RBFOX1: variants seen among roughly 807,000 people sequenced by gnomAD.
RBFOX1 encodes RNA binding fox-1 homolog 1.
Under a neutral mutation model 57.7 loss-of-function variants are expected in RBFOX1, and 8 were observed. The ratio of observed to expected loss-of-function variants is 0.14; its 90% CI spans 0.08 to 0.25. The LOEUF is 0.25. Ranked by LOEUF, RBFOX1 falls within the 10% of genes least tolerant of loss-of-function variation. The pLI is 1.00. For missense variants in RBFOX1, 611 were observed against 548.5 expected (o/e 1.11, Z -1.14); for synonymous variants, 326 against 222.4 (o/e 1.47, Z -4.15).
intron 4 of RBFOX1, among the ~76,000 whole-genome samples, chr16:7,455,294 T>A (rs2058272865): frequency 1.3e-5 from 2 of 152,174 alleles, no homozygotes; most frequent in Admixed American, 1.3e-4. Flanking sequence ...CCTCCCTATA[T>A]TGAGAAGTTT....
intron 4 of RBFOX1, among the ~76,000 whole-genome samples, chr16:7,210,380 CG>C (rs1228679404): frequency 2.6e-5 from 4 of 152,120 alleles, no homozygotes; most frequent in African/African-American, 9.7e-5. Flanking sequence ...ACATGGACCA[CG>C]GTGTGGTCCT....
intron 3 of RBFOX1, among the ~76,000 whole-genome samples, chr16:7,023,694 C>G (rs781450521): frequency 6.7e-6 from 1 of 149,740 alleles, no homozygotes; most frequent in Non-Finnish European, 1.5e-5. Flanking sequence ...TGTCTTAAAT[C>G]AGAGATGGGT....
At chr16:6,201,977 T>G (rs761456383) in intron 1 of RBFOX1, among the ~76,000 whole-genome samples, 11 of 152,190 alleles carry the variant, frequency 7.2e-5, no homozygotes, top group Non-Finnish European at 1.3e-4. Flanking sequence ...GTCCCCATTG[T>G]GAACATGTCA....
At chr16:6,928,445 C>G (rs777428943) in intron 3 of RBFOX1, among the ~76,000 whole-genome samples, 70 of 152,246 alleles carry the variant, frequency 4.6e-4, no homozygotes, top group Non-Finnish European at 9.3e-4. Context: ...CAGCCAAGAG[C>G]TCAGGACATG....
intron 1 of RBFOX1, among the ~76,000 whole-genome samples, chr16:6,247,851 C>T (rs1305260762): frequency 6.6e-6 from 1 of 152,158 alleles, no homozygotes; most frequent in African/African-American, 2.4e-5. Context: ...TTCTCTGGCT[C>T]TGATGATAGG....
chr16:6,415,534 C>G (rs954608991), intron 2 of RBFOX1, among the ~76,000 whole-genome samples: 1 of 151,914 alleles, frequency 6.6e-6, no homozygotes, highest in African/African-American at 2.4e-5. Flanking sequence ...AATGCCATCT[C>G]TACTAAAAAT....
chr16:6,326,061 C>A (rs750353881), intron 2 of RBFOX1, among the ~76,000 whole-genome samples: 1 of 152,140 alleles, frequency 6.6e-6, no homozygotes, highest in African/African-American at 2.4e-5. Flanking sequence ...GGCAGAAAAT[C>A]GGTTAACTCT....
At chr16:5,573,696 T>A (rs1274739587) in intron 2 of RBFOX1, among the ~76,000 whole-genome samples, 1 of 152,144 alleles carries the variant, frequency 6.6e-6, no homozygotes, top group Non-Finnish European at 1.5e-5. Flanking sequence ...ACGCAGTGGC[T>A]CACACCTATA....
intron 1 of RBFOX1, among the ~76,000 whole-genome samples, chr16:6,269,422 C>G (rs899477319): frequency 3.3e-5 from 5 of 152,112 alleles, no homozygotes; most frequent in Non-Finnish European, 7.4e-5. Context: ...TGAAGGAAAT[C>G]CACACCAAGT....
In RBFOX1 at chr16:7,311,620, C is replaced by T. The variant is rs141622478; in HGVS notation, c.28-206527C>T. ...TCCTCTTGCTCTGCCTGAAGCCAGG[C>T]ACGGGGCAAGCCCTGCTCTTATGGA... On this transcript the variant is annotated intron_variant, in intron 4 of 15. Coordinates refer to ENST00000550418, the MANE Select transcript of RBFOX1 (RefSeq NM_018723.4). Among the ~76,000 whole-genome samples the T allele has an allele frequency of 3.0e-4, 46 of 152,074 alleles. 1 individual carries two copies. Among genetic ancestry groups the T allele is most frequent in the Admixed American group, 1.0e-3 (16 of 15,280 alleles).
intron 11 of RBFOX1, among the ~76,000 whole-genome samples, chr16:7,647,125 A>G (rs1171549808): frequency 6.6e-6 from 1 of 152,142 alleles, no homozygotes; most frequent in African/African-American, 2.4e-5. Flanking sequence ...ATCGAGTTCC[A>G]TGGGACAGAA....
At chr16:7,330,508 GTT>G (rs59025287) in intron 4 of RBFOX1, among the ~76,000 whole-genome samples, 7,878 of 79,146 alleles carry the variant, frequency 0.1, 352 homozygotes, top group African/African-American at 0.2. Context: ...GTGTGTGTGT[GTT>G]TGTGTGTGTG....
chr16:5,736,663 C>T (rs2052586404), intron 3 of RBFOX1, among the ~76,000 whole-genome samples: 1 of 152,086 alleles, frequency 6.6e-6, no homozygotes, highest in Admixed American at 6.6e-5. Context: ...CTGGCATTTT[C>T]CTGTGCTGGT....
intron 1 of RBFOX1, chr16:5,467,080 G>T: frequency 1.9e-6 from 2 of 1,047,010 alleles, no homozygotes; most frequent in Non-Finnish European, 2.7e-6. Context: ...GGCATTTAAT[G>T]GACGTTTTGA....
At chr16:7,320,422 G>A (rs1247095024) in intron 4 of RBFOX1, among the ~76,000 whole-genome samples, 1 of 152,068 alleles carries the variant, frequency 6.6e-6, no homozygotes, top group South Asian at 2.1e-4. Context: ...CCTTTTTTAT[G>A]GCTGCATAGT....
intron 3 of RBFOX1, among the ~76,000 whole-genome samples, chr16:6,966,071 A>G (rs893614548): frequency 1.3e-5 from 2 of 152,152 alleles, no homozygotes; most frequent in Admixed American, 6.6e-5. Flanking sequence ...CTTTGAAGGT[A>G]GTGATTTTTA....
At chr16:6,714,169 A>C (rs568089797) in intron 3 of RBFOX1, among the ~76,000 whole-genome samples, 3 of 152,180 alleles carry the variant, frequency 2.0e-5, no homozygotes, top group African/African-American at 7.2e-5. Flanking sequence ...ACCTGCCACC[A>C]TGTAAGCCAT....
intron 4 of RBFOX1, among the ~76,000 whole-genome samples, chr16:5,936,082 T>C (rs1179980626): frequency 6.6e-6 from 1 of 152,024 alleles, no homozygotes; most frequent in Non-Finnish European, 1.5e-5. Flanking sequence ...AATTATATGA[T>C]GGTAGCATCT....
intron 11 of RBFOX1, among the ~76,000 whole-genome samples, chr16:7,646,251 G>A (rs528282004): frequency 6.6e-5 from 10 of 152,272 alleles, no homozygotes; most frequent in African/African-American, 2.4e-4. Context: ...GGAAATTGCT[G>A]CTCTATGAGC....
Sources: gnomAD v4.1 joint callset for allele counts (sites outside exome capture counted in the v4.1 genomes callset) on GRCh38, gnomAD v4.1.1 for gene constraint, MANE v1.5 for transcripts, NCBI Gene and HGNC (gene_info 2026-07-23, HGNC 2026-07-21) for gene names.